The following ZNF462 variants were observed in gnomAD, a reference collection of about 807,000 sequenced individuals.
ZNF462 encodes zinc finger PBX1-interacting protein.
Under a neutral mutation model 201.9 loss-of-function variants are expected in ZNF462, and 10 were observed. The observed-to-expected ratio is 0.05, with a 90% confidence interval of 0.03 to 0.08. ZNF462 has a LOEUF of 0.08. ZNF462 is among the 10% of genes least tolerant of loss of function. The probability of loss-of-function intolerance (pLI) is 1.00; values close to 1 mark genes in which losing one functional copy is unlikely to be tolerated. For synonymous variants in ZNF462, 1,227 were observed against 1,193.3 expected (o/e 1.03, Z -0.58); for missense variants, 2,523 against 3,168.3 (o/e 0.80, Z 4.89).
chr9:106,974,487 G>T lies in ZNF462; in HGVS notation c.6832+214G>T, dbSNP rs116516807. 1.5e-6 allele frequency: 1 copy of T among 669,598 alleles called. No homozygotes were observed. The highest frequency in any genetic ancestry group is 1.8e-5 in the African/African-American group (1 of 55,842). The allele number at this position is 669,598 out of a possible 1,614,324, so 41.5% of individuals were successfully genotyped here. ...TTCCTCCACCTGGAGGGAGGCAAAGGTGATGGATTCTGCAGTGAACATTTC... is the reference window on the plus strand; with the variant it reads ...TTCCTCCACCTGGAGGGAGGCAAAGTTGATGGATTCTGCAGTGAACATTTC... On this transcript the variant is annotated intron_variant, in intron 9 of 12. Coordinates refer to ENST00000277225, the MANE Select transcript of ZNF462 (RefSeq NM_021224.6). This position sits in a 1 kb window ranked among gnomAD's most constrained non-coding sequence, Gnocchi z 4.0.
chr9:106,871,287 C>A (rs543463637), intron 1 of ZNF462, among the ~76,000 whole-genome samples: 1 of 152,104 alleles, frequency 6.6e-6, no homozygotes, highest in Non-Finnish European at 1.5e-5. Flanking sequence ...TGAAAGGATA[C>A]GTGGATTAGC....
At chr9:106,940,350 T>G (rs557401854) in intron 7 of ZNF462, among the ~76,000 whole-genome samples, 1 of 152,252 alleles carries the variant, frequency 6.6e-6, no homozygotes, top group Non-Finnish European at 1.5e-5. Flanking sequence ...AAGTACGAAT[T>G]TTGGTTATTT....
intron 10 of ZNF462, among the ~76,000 whole-genome samples, chr9:106,994,057 AG>A (rs1389269062): frequency 6.6e-6 from 1 of 152,172 alleles, no homozygotes; most frequent in Non-Finnish European, 1.5e-5. Context: ...TCTCTTTGCT[AG>A]TTTAAGGAAC....
intron 7 of ZNF462, among the ~76,000 whole-genome samples, chr9:106,943,270 A>G (rs1439943868): frequency 6.6e-6 from 1 of 152,198 alleles, no homozygotes; most frequent in African/African-American, 2.4e-5. Flanking sequence ...CCGATTTTTA[A>G]ATAAATTTCA....
rs771139340 is a variant in ZNF462, at chr9:106,880,008, A to G, written c.-31+16653A>G. Among the ~76,000 whole-genome samples, 37 of 152,182 alleles carry G rather than the reference A, an allele frequency of 2.4e-4. No homozygotes were observed. The highest frequency in any genetic ancestry group is 5.1e-4 in the Non-Finnish European group (35 of 68,022). On this transcript the variant is annotated intron_variant, in intron 1 of 12. Coordinates refer to ENST00000277225, the MANE Select transcript of ZNF462 (RefSeq NM_021224.6). This position sits in a 1 kb window ranked among gnomAD's most constrained non-coding sequence, Gnocchi z 4.1. ...TCTTGGAATCGTGGATCCTTGTAGC[A>G]GTTGAACATGATAGTTGAATTGTTT...
chr9:106,864,060 C>CTCTCTCTG (rs1827189552), intron 1 of ZNF462, among the ~76,000 whole-genome samples: 2 of 86,394 alleles, frequency 2.3e-5, no homozygotes, highest in Admixed American at 1.2e-4. Context: ...CTCTCTCTCT[C>CTCTCTCTG]TCTCTCTCTC....
rs1828523365 is a variant in ZNF462 at position 106,890,396 on chromosome 9, A to G, written c.-31+27041A>G. ...GAGTTAATTAAACATTGTCGGGAGA[A>G]TTCCTTCATTTCCTTCTGGAGTCCT... On this transcript the variant is annotated intron_variant, in intron 1 of 12. Transcript: ENST00000277225. The surrounding 1 kb of genome is among the most constrained non-coding windows in gnomAD (Gnocchi z 4.2). Among the ~76,000 whole-genome samples, 1 of 152,160 alleles carries G rather than the reference A, an allele frequency of 6.6e-6. No individual in the cohort carries two copies. The highest frequency in any genetic ancestry group is 2.4e-5 in the African/African-American group (1 of 41,444).
chr9:106,940,744 C>G (rs910058180), intron 7 of ZNF462, among the ~76,000 whole-genome samples: 7 of 152,056 alleles, frequency 4.6e-5, no homozygotes, highest in South Asian at 2.1e-4. Flanking sequence ...GGGAAGGAAG[C>G]CTGTAGTGTT....
intron 10 of ZNF462, chr9:106,995,831 T>C (rs778689214): frequency 1.7e-4 from 26 of 152,204 alleles, no homozygotes; most frequent in Non-Finnish European, 2.8e-4. Context: ...TTATTATTAT[T>C]ATACTTTAAG....
chr9:106,903,624 T>G (rs927321805), intron 1 of ZNF462, among the ~76,000 whole-genome samples: 2 of 152,222 alleles, frequency 1.3e-5, no homozygotes, highest in African/African-American at 4.8e-5. Flanking sequence ...TGCATATATG[T>G]TCACAATTGT....
intron 11 of ZNF462, among the ~76,000 whole-genome samples, chr9:107,007,072 T>A (rs12346280): frequency 0.11 from 17,109 of 152,158 alleles, 1,039 homozygotes; most frequent in African/African-American, 0.15. Flanking sequence ...AAGACTCCTT[T>A]TTCTTCATGA....
chr9:106,984,542 G>A lies in ZNF462; in HGVS notation c.7056+133G>A. 1.4e-6 allele frequency: 1 copy of A among 697,696 alleles called. No homozygotes were observed. The highest frequency in any genetic ancestry group is 2.3e-6 in the Non-Finnish European group (1 of 432,468). 43.2% of individuals were successfully genotyped at this position (697,696 alleles called of 1,614,324 possible). On this transcript the variant is annotated intron_variant, in intron 10 of 12. Coordinates refer to ENST00000277225, the MANE Select transcript of ZNF462 (RefSeq NM_021224.6). The surrounding 1 kb of genome is among the most constrained non-coding windows in gnomAD (Gnocchi z 6.4). The stretch of plus-strand genomic sequence containing the variant: ...GGACTCAAAGAGCTTTTAAAGTGAG[G>A]TCTAGTTTCTTCTATTAGAAACGTA...
chr9:106,892,725 CAT>C lies in ZNF462; in HGVS notation c.-31+29371_-31+29372del, dbSNP rs1352971735. Among the ~76,000 whole-genome samples the C allele has an allele frequency of 6.8e-3, 1,024 of 151,046 alleles. 11 individuals are homozygous for C. Among genetic ancestry groups the C allele is most frequent in the African/African-American group, 0.021 (862 of 40,804 alleles). ...ACACGCACACACACACACACACACA[CAT>C]GTTATGCATAGATGAATAATATTTA... On this transcript the variant is annotated intron_variant, in intron 1 of 12. Transcript: ENST00000277225.
intron 1 of ZNF462, among the ~76,000 whole-genome samples, chr9:106,906,226 C>T (rs1829268458): frequency 6.6e-6 from 1 of 152,196 alleles, no homozygotes; most frequent in African/African-American, 2.4e-5. Flanking sequence ...GCAGCTGGGG[C>T]ACTCACAGTA....
Position 106,950,675 on chromosome 9 carries a change from C to A in ZNF462, c.6427+11568C>A, listed in dbSNP as rs527539453. Among the ~76,000 whole-genome samples, 14 of 152,258 alleles carry A rather than the reference C, an allele frequency of 9.2e-5. No homozygotes were observed. The South Asian group carries it at 2.9e-3, about 32-fold the overall frequency. ...ATTAGCACATTAAAATTGATCAGTT[C>A]TGTGTGTTGTTCTGTGGACAATAAA... On this transcript the variant is annotated intron_variant, in intron 7 of 12. Coordinates refer to ENST00000277225, the MANE Select transcript of ZNF462 (RefSeq NM_021224.6). This position sits in a 1 kb window ranked among gnomAD's most constrained non-coding sequence, Gnocchi z 4.1.
chr9:107,010,461 C>T lies in ZNF462; in HGVS notation c.7314-362C>T, dbSNP rs896008790. 3.3e-5 allele frequency among the ~76,000 whole-genome samples: 5 copies of T among 152,130 alleles called. No homozygotes were observed. Among genetic ancestry groups the T allele is most frequent in the African/African-American group, 9.7e-5 (4 of 41,408 alleles). ...CCAATCTCCAAGCTTCTGGGTTCAG[C>T]CGATGACTCTGAGCATAAGACAATT... is the stretch of plus-strand genomic sequence containing the variant. On this transcript the variant is annotated intron_variant, in intron 12 of 12. Coordinates refer to ENST00000277225, the MANE Select transcript of ZNF462 (RefSeq NM_021224.6). This position sits in a 1 kb window ranked among gnomAD's most constrained non-coding sequence, Gnocchi z 4.6.
At chr9:106,999,949 G>GC (rs1180162800) in intron 10 of ZNF462, among the ~76,000 whole-genome samples, 1 of 152,084 alleles carries the variant, frequency 6.6e-6, no homozygotes, top group Non-Finnish European at 1.5e-5. Context: ...GGAGGGGCAG[G>GC]CCATAAACAA....
chr9:106,914,783 CTG>C (rs1426506891), intron 1 of ZNF462, among the ~76,000 whole-genome samples: 2 of 152,062 alleles, frequency 1.3e-5, no homozygotes, highest in Non-Finnish European at 2.9e-5. Flanking sequence ...TAGAGAGAAA[CTG>C]TGTGTGGGTT....
At chr9:106,967,253 T>G (rs1183178246) in intron 7 of ZNF462, among the ~76,000 whole-genome samples, 1 of 152,132 alleles carries the variant, frequency 6.6e-6, no homozygotes, top group Non-Finnish European at 1.5e-5. Flanking sequence ...ATCTCTCATG[T>G]CTTCTTTGAC....
Sources: allele counts gnomAD v4.1 joint callset (sites outside exome capture counted in the v4.1 genomes callset), GRCh38; gene constraint gnomAD v4.1.1; non-coding constraint Gnocchi (gnomAD v3.1); transcripts MANE v1.5; gene names NCBI Gene and HGNC (gene_info 2026-07-23, HGNC 2026-07-21).